The following CHST8 variants were observed in gnomAD, a reference collection of about 807,000 sequenced individuals.
CHST8 encodes the protein GALNAC-4-ST1.
CHST8 carries 10 observed loss-of-function variants against 15.0 expected under a neutral mutation model. That is an observed-to-expected ratio of 0.67 (90% CI 0.41 to 1.13). The LOEUF (loss-of-function observed/expected upper bound fraction) is 1.13, where lower values mean the gene tolerates loss of function less well. CHST8 is among the 50% of genes most tolerant of loss of function. The pLI is 0.00. For synonymous variants in CHST8, 259 were observed against 256.6 expected, an observed-to-expected ratio of 1.01 and a Z score of -0.09; for missense variants, 634 against 608.2, an observed-to-expected ratio of 1.04 and a Z score of -0.45.
chr19:33,656,412 A>G (rs900411814), intron 1 of CHST8, among the ~76,000 whole-genome samples: 1 of 152,244 alleles, frequency 6.6e-6, no homozygotes, highest in African/African-American at 2.4e-5. Flanking sequence ...AATGTGTGAA[A>G]TAGGGAGATT....
At chr19:33,641,094 A>G (rs1455716167) in intron 1 of CHST8, among the ~76,000 whole-genome samples, 4 of 152,148 alleles carry the variant, frequency 2.6e-5, no homozygotes, top group Admixed American at 2.6e-4. Flanking sequence ...CTCAGCTGAG[A>G]GGCACTGCTG....
chr19:33,654,784 T>C (rs1179690525), intron 1 of CHST8, among the ~76,000 whole-genome samples: 1 of 152,112 alleles, frequency 6.6e-6, no homozygotes, highest in African/African-American at 2.4e-5. Flanking sequence ...GTAACTCAGT[T>C]CTAGTTCCTC....
intron 3 of CHST8, among the ~76,000 whole-genome samples, chr19:33,727,098 G>A (rs904548836): frequency 6.6e-6 from 1 of 151,838 alleles, no homozygotes. Flanking sequence ...ACAGTCGCCC[G>A]GGAGCCACTT....
At chr19:33,720,837 G>C (rs1973776400) in intron 3 of CHST8, among the ~76,000 whole-genome samples, 1 of 152,244 alleles carries the variant, frequency 6.6e-6, no homozygotes, top group Non-Finnish European at 1.5e-5. Flanking sequence ...CTGGGAGCTG[G>C]GGCCAGTTCA....
intron 2 of CHST8, among the ~76,000 whole-genome samples, chr19:33,677,267 C>T (rs1057019219): frequency 3.9e-5 from 6 of 152,130 alleles, no homozygotes; most frequent in African/African-American, 1.4e-4. Flanking sequence ...CCTGCCCCTG[C>T]CTGGCAGACA....
At chr19:33,689,497 G>A in intron 3 of CHST8, 106 bp downstream of exon 3, 1 of 1,321,870 alleles carries the variant, frequency 7.6e-7, no homozygotes, top group South Asian at 1.7e-5. Flanking sequence ...AAAGGGGCAA[G>A]TCTGTGCCAA....
chr19:33,657,126 TACAC>T (rs530334678), intron 1 of CHST8, among the ~76,000 whole-genome samples: 3,431 of 127,876 alleles, frequency 0.027, 83 homozygotes, highest in African/African-American at 0.075. Flanking sequence ...TTTGCTTTAT[TACAC>T]ACACACACAC....
At chr19:33,640,704 G>A (rs912483508) in intron 1 of CHST8, among the ~76,000 whole-genome samples, 1 of 152,190 alleles carries the variant, frequency 6.6e-6, no homozygotes, top group African/African-American at 2.4e-5. Flanking sequence ...TGCCGGGGAT[G>A]TGACTGAATC....
intron 3 of CHST8, among the ~76,000 whole-genome samples, chr19:33,769,679 A>G (rs1347556002): frequency 6.6e-6 from 1 of 150,440 alleles, no homozygotes; most frequent in Admixed American, 6.6e-5. Context: ...GATTCTAAAG[A>G]CTCCTCTCTC....
intron 1 of CHST8, among the ~76,000 whole-genome samples, chr19:33,632,278 T>C (rs2145437444): frequency 6.6e-6 from 1 of 152,220 alleles, no homozygotes; most frequent in African/African-American, 2.4e-5. Flanking sequence ...TAGCTGGAAC[T>C]ACAAGCTCCC....
intron 1 of CHST8, among the ~76,000 whole-genome samples, chr19:33,636,012 C>CTT (rs35790837): frequency 1.4e-5 from 2 of 138,886 alleles, no homozygotes; most frequent in East Asian, 4.1e-4. Flanking sequence ...AAAAACAACA[C>CTT]TTTTTTTTTT....
In CHST8 at chr19:33,686,738, A is replaced by G. The variant is rs147099507; in HGVS notation, c.-86-2438A>G. 5.2e-3 allele frequency among the ~76,000 whole-genome samples: 788 copies of G among 152,250 alleles called. 6 individuals are homozygous for G. The highest frequency in any genetic ancestry group is 0.017 in the African/African-American group (711 of 41,564). On this transcript the variant is annotated intron_variant, in intron 2 of 4. Coordinates refer to ENST00000650847, the MANE Select transcript of CHST8 (RefSeq NM_001127895.2). ...TGACTCAGGAGGCTGCAGGAAGCGC[A>G]CCCACACCGTGGCCAGCTTACTCAG...
chr19:33,772,308 C>T lies in CHST8; in HGVS notation c.520C>T (p.Arg174Trp), dbSNP rs542697378. The change falls in exon 5 of 5, where the codon CGG becomes TGG. Residue 174 changes from arginine (R) to tryptophan (W), a missense_variant. By Grantham distance (101) the Arg-to-Trp change is moderately radical. Transcript: ENST00000650847. ...CAAGTACCGGGCGAGCAGCAGCCGC[C>T]GGGCCGTCACGCCCCGCCACGTGTC... ...CAKYRASSSR[R>W]AVTPRHVSRI... is the part of the protein sequence containing the mutation. The T allele has an allele frequency of 2.5e-6, 4 of 1,603,552 alleles. No homozygotes were observed. Among genetic ancestry groups the T allele is most frequent in the South Asian group, 1.1e-5 (1 of 90,952 alleles).
intron 1 of CHST8, among the ~76,000 whole-genome samples, chr19:33,658,451 C>A (rs1383208767): frequency 6.6e-6 from 1 of 152,102 alleles, no homozygotes; most frequent in East Asian, 1.9e-4. Flanking sequence ...TTCTTCTTGC[C>A]AAAATGTATC....
In CHST8 at chr19:33,772,480, G is replaced by A; in HGVS notation, c.692G>A (p.Ser231Asn). Residue 231 changes from serine (S) to asparagine (N), a missense_variant, in exon 5 of 5, where the codon AGC (serine) becomes AAC (asparagine). Coordinates refer to ENST00000650847, the MANE Select transcript of CHST8 (RefSeq NM_001127895.2). ...DIQHNTVHYGSALKRLDTFDR... is the reference protein window; with the variant it reads ...DIQHNTVHYGNALKRLDTFDR... ...CAGCACAACACCGTCCACTATGGCA[G>A]CGCTCTCAAGCGCCTGGACACCTTC... The A allele has an allele frequency of 6.2e-7, 1 of 1,613,528 alleles. No homozygotes were observed.
intron 1 of CHST8, among the ~76,000 whole-genome samples, chr19:33,630,034 G>A (rs1303598683): frequency 1.4e-5 from 2 of 138,610 alleles, no homozygotes; most frequent in East Asian, 4.1e-4. Context: ...CAGACAAGTC[G>A]TCCCCACCTT....
intron 3 of CHST8, among the ~76,000 whole-genome samples, chr19:33,734,693 A>C (rs1974052084): frequency 6.6e-6 from 1 of 152,138 alleles, no homozygotes. Context: ...CAGGAGGGGC[A>C]TCACGAGTGG....
chr19:33,665,408 G>A (rs547789683), intron 1 of CHST8, among the ~76,000 whole-genome samples: 1 of 152,180 alleles, frequency 6.6e-6, no homozygotes, highest in African/African-American at 2.4e-5. Context: ...TAATGTGAAG[G>A]CACCCACAGA....
intron 3 of CHST8, among the ~76,000 whole-genome samples, chr19:33,725,682 T>C (rs920068959): frequency 8.5e-5 from 13 of 152,210 alleles, no homozygotes; most frequent in African/African-American, 3.1e-4. Context: ...TCTGGGGGTC[T>C]CGGCACAGAG....
Sources: gnomAD v4.1 joint callset for allele counts (sites outside exome capture counted in the v4.1 genomes callset) on GRCh38, gnomAD v4.1.1 for gene constraint, MANE v1.5 for transcripts, NCBI Gene and HGNC (gene_info 2026-07-23, HGNC 2026-07-21) for gene names.